DOCK1: variants seen among roughly 807,000 people sequenced by gnomAD.
DOCK1 encodes dedicator of cytokinesis protein 1.
Under a neutral mutation model 262.7 loss-of-function variants are expected in DOCK1, and 138 were observed. The observed-to-expected ratio is 0.53, with a 90% CI of 0.46 to 0.61. The LOEUF (loss-of-function observed/expected upper bound fraction) is 0.61. DOCK1 is among the 20% of genes least tolerant of loss of function. The probability of loss-of-function intolerance (pLI) is 0.00; values close to 1 mark genes in which losing one functional copy is unlikely to be tolerated. For missense variants in DOCK1, 1,908 were observed against 2,370.7 expected (o/e 0.80, Z 4.05); for synonymous variants, 866 against 867.4 (o/e 1.00, Z 0.03).
At chr10:127,245,083 G>A (rs1722524532) in intron 27 of DOCK1, among the ~76,000 whole-genome samples, 1 of 152,112 alleles carries the variant, frequency 6.6e-6, no homozygotes, top group Non-Finnish European at 1.5e-5. Flanking sequence ...CCACAGATAT[G>A]CTGCAGGGTT....
At chr10:126,942,979 G>A (rs947527724) in intron 1 of DOCK1, among the ~76,000 whole-genome samples, 12 of 151,964 alleles carry the variant, frequency 7.9e-5, no homozygotes, top group Admixed American at 2.0e-4. Flanking sequence ...CAAATAGGCC[G>A]GACGTGGTGG....
intron 22 of DOCK1, among the ~76,000 whole-genome samples, chr10:127,055,304 T>C (rs7100020): frequency 0.22 from 33,733 of 152,144 alleles, 3,808 homozygotes; most frequent in East Asian, 0.25. Context: ...CTTTATCTCC[T>C]AATCCTAAGA....
intron 27 of DOCK1, among the ~76,000 whole-genome samples, chr10:127,128,952 C>T (rs1051910242): frequency 5.3e-5 from 8 of 152,100 alleles, no homozygotes; most frequent in Non-Finnish European, 8.8e-5. Flanking sequence ...AAGGAGAAAA[C>T]GTCCTTTTGG....
intron 27 of DOCK1, among the ~76,000 whole-genome samples, chr10:127,166,385 C>A (rs1379838999): frequency 2.0e-5 from 3 of 152,314 alleles, no homozygotes; most frequent in Non-Finnish European, 4.4e-5. Flanking sequence ...CCTGCATTTT[C>A]ATTAGTTCAT....
chr10:127,383,314 A>G lies in DOCK1; in HGVS notation c.3808-1476A>G, dbSNP rs76596201. Among the ~76,000 whole-genome samples the G allele has an allele frequency of 1.2e-3, 183 of 152,318 alleles. 1 individual carries two copies. The highest frequency in any genetic ancestry group is 4.3e-3 in the African/African-American group (180 of 41,590). ...ATGTTTTCATTTGCAAAAGTGATTT[A>G]AAAATGCAAGGAAGTCATTTGGATT... On this transcript the variant is annotated intron_variant, in intron 37 of 51. Coordinates refer to ENST00000623213, the MANE Select transcript of DOCK1 (RefSeq NM_001290223.2).
rs960290642 is a variant in DOCK1, at chr10:126,909,723, C to T, written c.46+4160C>T. On this transcript the variant is annotated intron_variant, in intron 1 of 51. Transcript: ENST00000623213. ...GAACCAAGCCTGCTTGCTGCCGAGT[C>T]GTGAGGACTCGCTGAGATGATGTTG... Among the ~76,000 whole-genome samples the T allele has an allele frequency of 2.6e-5, 4 of 152,154 alleles. No individual in the cohort carries two copies. In the East Asian group the frequency reaches 5.8e-4, roughly 22 times the overall value.
chr10:126,948,600 C>G (rs1229586867), intron 1 of DOCK1, among the ~76,000 whole-genome samples: 3 of 151,876 alleles, frequency 2.0e-5, no homozygotes, highest in Non-Finnish European at 4.4e-5. Flanking sequence ...TCAAAATGCT[C>G]CAGGCCACAG....
rs373299957 is a variant in DOCK1 at position 127,101,300 on chromosome 10, GA to G, written c.2446-4930del. Among the ~76,000 whole-genome samples the G allele has an allele frequency of 2.5e-3, 387 of 152,210 alleles. 4 individuals are homozygous for G. The highest frequency in any genetic ancestry group is 8.8e-3 in the African/African-American group (365 of 41,526). On this transcript the variant is annotated intron_variant, in intron 23 of 51. Transcript: ENST00000623213. The stretch of plus-strand genomic sequence containing the variant: ...TCAGCCACAGGGGAGAGTGGAGAAG[GA>G]GAGGAAACCCGGCCCTTCAGGAGAA...
chr10:127,037,617 T>A, intron 18 of DOCK1, 102 bp from the exon 19 acceptor site: 1 of 991,914 alleles, frequency 1.0e-6, no homozygotes, highest in Admixed American at 3.0e-5. Flanking sequence ...TTGATTTCTC[T>A]GTTCACAAAA....
chr10:127,195,332 C>G (rs960703435), intron 27 of DOCK1, among the ~76,000 whole-genome samples: 1 of 152,200 alleles, frequency 6.6e-6, no homozygotes, highest in Admixed American at 6.5e-5. Flanking sequence ...GTTGGTTTCC[C>G]ACGCCTGTCC....
chr10:127,325,896 C>A (rs181764139), intron 29 of DOCK1, among the ~76,000 whole-genome samples: 2 of 152,138 alleles, frequency 1.3e-5, no homozygotes, highest in Non-Finnish European at 2.9e-5. Flanking sequence ...CAGACCACCA[C>A]GAAAAAGTGA....
intron 5 of DOCK1, among the ~76,000 whole-genome samples, chr10:126,989,508 G>T (rs1377076666): frequency 6.6e-6 from 1 of 151,826 alleles, no homozygotes; most frequent in Non-Finnish European, 1.5e-5. Flanking sequence ...TTTAATTTTT[G>T]AAGAGATGAG....
At chr10:127,445,938 C>G (rs2070515086) in intron 50 of DOCK1, among the ~76,000 whole-genome samples, 1 of 152,164 alleles carries the variant, frequency 6.6e-6, no homozygotes, top group Non-Finnish European at 1.5e-5. Flanking sequence ...ATGACTCCAC[C>G]TAAATCAAAT....
chr10:127,358,715 T>C (rs1181495213), intron 32 of DOCK1, among the ~76,000 whole-genome samples: 1 of 152,206 alleles, frequency 6.6e-6, no homozygotes, highest in Non-Finnish European at 1.5e-5. Flanking sequence ...CATTGTGGCC[T>C]AATGGGTGTG....
At chr10:126,953,118 G>T (rs1357825258) in intron 1 of DOCK1, among the ~76,000 whole-genome samples, 3 of 151,946 alleles carry the variant, frequency 2.0e-5, no homozygotes, top group Non-Finnish European at 4.4e-5. Context: ...ATTGGTGATG[G>T]TGGTGGTGGA....
intron 13 of DOCK1, among the ~76,000 whole-genome samples, chr10:127,022,321 TTTTC>T (rs2042491704): frequency 6.6e-6 from 1 of 152,232 alleles, no homozygotes; most frequent in African/African-American, 2.4e-5. Context: ...CTCATTCTTT[TTTTC>T]TTTATTTTTA....
chr10:127,370,685 T>C (rs2065160011), intron 33 of DOCK1, among the ~76,000 whole-genome samples: 1 of 152,212 alleles, frequency 6.6e-6, no homozygotes, highest in Admixed American at 6.5e-5. Context: ...AAGCAGTGTT[T>C]CCTTTTTAAG....
chr10:127,108,703 C>G (rs10829391), intron 24 of DOCK1, among the ~76,000 whole-genome samples: 1 of 152,178 alleles, frequency 6.6e-6, no homozygotes, highest in Non-Finnish European at 1.5e-5. Context: ...ACTTTCATGC[C>G]GATCCATCCC....
At chr10:126,923,697 T>C (rs1213556766) in intron 1 of DOCK1, among the ~76,000 whole-genome samples, 1 of 152,234 alleles carries the variant, frequency 6.6e-6, no homozygotes, top group Non-Finnish European at 1.5e-5. Context: ...AGCGCCATTC[T>C]CGGCATCTCT....
Sources: gnomAD v4.1 joint callset for allele counts (sites outside exome capture counted in the v4.1 genomes callset) on GRCh38, gnomAD v4.1.1 for gene constraint, MANE v1.5 for transcripts, NCBI Gene and HGNC (gene_info 2026-07-23, HGNC 2026-07-21) for gene names.